Variants in ZNF487 observed in about 807,000 individuals in gnomAD.
The protein encoded by ZNF487 is KRAB domain only 1.
ZNF487 carries 4 observed loss-of-function variants against 3.0 expected under a neutral mutation model. That is an observed-to-expected ratio of 1.35 (90% CI 0.66 to 3.08). The LOEUF is 3.08. ZNF487 is among the 30% of genes most tolerant of loss of function. The pLI, the probability that ZNF487 is intolerant of heterozygous loss-of-function variation, is 0.01. For synonymous variants in ZNF487, 55 were observed against 34.6 expected (o/e 1.59, Z -2.06); for missense variants, 146 against 98.7 (o/e 1.48, Z -2.03).
intron 1 of ZNF487, among the ~76,000 whole-genome samples, chr10:43,448,020 C>T (rs1467194796): frequency 8.5e-6 from 1 of 117,142 alleles, no homozygotes; most frequent in Non-Finnish European, 1.6e-5. Flanking sequence ...GACGGAGTCT[C>T]ACTCTGTCGC....
chr10:43,446,111 CTT>C (rs1225825442), intron 1 of ZNF487, among the ~76,000 whole-genome samples: 1 of 152,246 alleles, frequency 6.6e-6, no homozygotes, highest in Non-Finnish European at 1.5e-5. Context: ...TCTGATCTCT[CTT>C]TCTTTGCCCC....
intron 1 of ZNF487, among the ~76,000 whole-genome samples, chr10:43,470,420 G>A (rs1201209147): frequency 6.6e-6 from 1 of 152,116 alleles, no homozygotes; most frequent in Admixed American, 6.6e-5. Flanking sequence ...TTTCACTTTT[G>A]TTGCCCAGGC....
chr10:43,510,028 A>G, the ZNF487 span, among the ~76,000 whole-genome samples: 1 of 152,202 alleles, frequency 6.6e-6, no homozygotes, highest in Non-Finnish European at 1.5e-5. Flanking sequence ...CAACCCAAAT[A>G]CTATTACATA....
chr10:43,475,549 T>C lies in ZNF487; in HGVS notation c.-93-172T>C, dbSNP rs1841065779. ...AAAAATTAATATACCGGCAGAGTCC[T>C]CATACCAGGATTTCTCATTTTCCTA... On this transcript the variant is annotated intron_variant, in intron 1 of 3. Coordinates refer to ENST00000437590, the MANE Select transcript of ZNF487 (RefSeq NM_001355444.3). The C allele has an allele frequency of 5.1e-6, 3 of 582,944 alleles. No homozygotes were observed. In the African/African-American group the frequency reaches 5.7e-5, roughly 11 times the overall value. 36.1% of individuals were successfully genotyped at this position (582,944 alleles called of 1,614,324 possible).
At chr10:43,520,046 T>A in the ZNF487 span, among the ~76,000 whole-genome samples, 2 of 152,106 alleles carry the variant, frequency 1.3e-5, no homozygotes, top group South Asian at 2.1e-4. Flanking sequence ...ACATTTTAGG[T>A]TACAGCTGAA....
intron 1 of ZNF487, among the ~76,000 whole-genome samples, chr10:43,465,086 C>CG (rs1194478639): frequency 2.3e-5 from 3 of 128,842 alleles, no homozygotes; most frequent in Non-Finnish European, 3.2e-5. Flanking sequence ...GCTGGCCGGG[C>CG]GGGGGGCTGA....
intron 1 of ZNF487, among the ~76,000 whole-genome samples, chr10:43,451,324 C>T (rs1239695693): frequency 1.3e-4 from 19 of 151,614 alleles, no homozygotes. Context: ...CAGCTCACTG[C>T]AAACTCCACC....
At chr10:43,499,009 G>A in the ZNF487 span, among the ~76,000 whole-genome samples, 8 of 151,956 alleles carry the variant, frequency 5.3e-5, no homozygotes, top group African/African-American at 9.7e-5. Flanking sequence ...TACTTGTTGC[G>A]TGTAAAAAGG....
chr10:43,465,102 C>A (rs1325768078), intron 1 of ZNF487, among the ~76,000 whole-genome samples: 1 of 148,348 alleles, frequency 6.7e-6, no homozygotes, highest in East Asian at 2.1e-4. Context: ...GCTGACCCCC[C>A]CACCTCCCTC....
the ZNF487 span, among the ~76,000 whole-genome samples, chr10:43,491,763 G>A: frequency 6.6e-6 from 1 of 151,668 alleles, no homozygotes; most frequent in African/African-American, 2.4e-5. Flanking sequence ...GTCTTATTTT[G>A]TAGGATCAAT....
chr10:43,497,322 C>G, the ZNF487 span, among the ~76,000 whole-genome samples: 2 of 152,126 alleles, frequency 1.3e-5, no homozygotes, highest in Non-Finnish European at 2.9e-5. Context: ...TTTTTAAACC[C>G]CTTTGGGGTC....
chr10:43,489,283 T>C, the ZNF487 span, among the ~76,000 whole-genome samples: 45 of 152,324 alleles, frequency 3.0e-4, no homozygotes, highest in South Asian at 5.0e-3. Context: ...AGACTCCATT[T>C]CTAAAAAAGT....
At chr10:43,462,750 G>C (rs192111518) in intron 1 of ZNF487, among the ~76,000 whole-genome samples, 16 of 150,068 alleles carry the variant, frequency 1.1e-4, no homozygotes, top group Non-Finnish European at 2.1e-4. Context: ...CACTGCATCC[G>C]GCCTTTTTTT....
In ZNF487 at chr10:43,447,048, G is replaced by T. The variant is rs12217571; in HGVS notation, c.-94+9786G>T. The stretch of plus-strand genomic sequence containing the variant: ...CTCCACCAAAAAAAAAACCAGTCAG[G>T]CGTGGCAGCGTGCCCCTACAATCCC... On this transcript the variant is annotated intron_variant, in intron 1 of 3. Transcript: ENST00000437590. 7.2e-3 allele frequency among the ~76,000 whole-genome samples: 1,093 copies of T among 152,044 alleles called. 22 individuals carry two copies. In the East Asian group the frequency reaches 0.076, roughly 11 times the overall value.
intron 1 of ZNF487, among the ~76,000 whole-genome samples, chr10:43,440,519 A>G (rs1286600500): frequency 6.6e-6 from 1 of 152,076 alleles, no homozygotes; most frequent in Non-Finnish European, 1.5e-5. Flanking sequence ...TTAGCCCGGC[A>G]TGGTAATGCT....
chr10:43,458,044 A>C (rs916807206), intron 1 of ZNF487: 4 of 33,030 alleles, frequency 1.2e-4, no homozygotes, highest in East Asian at 0.023. Context: ...ACAACAACAA[A>C]AACAAAACAA....
At chr10:43,493,709 A>AAAAAAAAAAAAAAATATATATATATATAT in the ZNF487 span, among the ~76,000 whole-genome samples, 1 of 43,716 alleles carries the variant, frequency 2.3e-5, no homozygotes, top group African/African-American at 8.7e-5. Flanking sequence ...AAAAAAAAAA[A>AAAAAAAAAAAAAAATATATATATATATAT]ATATATATAT....
the ZNF487 span, among the ~76,000 whole-genome samples, chr10:43,518,484 T>G: frequency 6.6e-6 from 1 of 152,156 alleles, no homozygotes; most frequent in African/African-American, 2.4e-5. Flanking sequence ...CCTCTAAAGT[T>G]TATGTTTTTG....
At chr10:43,488,319 A>G in the ZNF487 span, among the ~76,000 whole-genome samples, 1 of 152,328 alleles carries the variant, frequency 6.6e-6, no homozygotes, top group East Asian at 1.9e-4. Context: ...ATTGCAGAAT[A>G]GTGTAACTTA....
Sources: gnomAD v4.1 joint callset for allele counts (sites outside exome capture counted in the v4.1 genomes callset) on GRCh38, gnomAD v4.1.1 for gene constraint, MANE v1.5 for transcripts, NCBI Gene and HGNC (gene_info 2026-07-23, HGNC 2026-07-21) for gene names.